Variants in CLCN2 observed in about 807,000 individuals in gnomAD.
CLCN2 encodes chloride voltage-gated channel 2.
In CLCN2, 72 loss-of-function variants were observed where a neutral mutation model predicts 108.3. The ratio of observed to expected loss-of-function variants is 0.66; its 90% CI spans 0.55 to 0.81. The LOEUF is 0.81. Among genes scored for constraint, CLCN2 ranks in the 30% least tolerant of loss-of-function variants. CLCN2 has a pLI of 0.00. For missense variants in CLCN2, 1,048 were observed against 1,205.2 expected (o/e 0.87, Z 1.93); for synonymous variants, 471 against 467.1 (o/e 1.01, Z -0.11).
At chr3:184,353,199 A>C (rs1294934740) in intron 17 of CLCN2, 51 bp downstream of exon 17, 2 of 1,609,990 alleles carry the variant, frequency 1.2e-6, no homozygotes, top group African/African-American at 2.8e-5. Flanking sequence ...CCACCCTCCC[A>C]ATCAGTCTAC....
rs1728459927 is a variant in CLCN2 at position 184,355,278 on chromosome 3, G to T, written c.1326+96C>A. 5.2e-6 allele frequency: 7 copies of T among 1,350,872 alleles called. No homozygotes were observed. The highest frequency in any genetic ancestry group is 5.1e-5 in the Admixed American group (3 of 59,356). The allele number at this position is 1,350,872 out of a possible 1,614,324, so 83.7% of individuals were successfully genotyped here. The stretch of plus-strand genomic sequence containing the variant: ...GGGTGATAATAGTGCCTTTCCCATG[G>T]CACTGTGGAGAGGCTTCGAGGAGTG... On this transcript the variant is annotated intron_variant, in intron 12 of 23. Transcript: ENST00000265593. This position sits in a 1 kb window ranked among gnomAD's most constrained non-coding sequence, Gnocchi z 6.3.
intron 2 of CLCN2, 33 bp downstream of exon 2, chr3:184,358,942 A>G (rs1310850072): frequency 6.2e-7 from 1 of 1,613,450 alleles, no homozygotes; most frequent in East Asian, 2.2e-5. Context: ...AGCACAGCAC[A>G]GCCAGGTCCC....
rs745848056 is a variant in CLCN2, at chr3:184,357,665, C to T, written c.727G>A (p.Ala243Thr). 5 of 1,613,984 alleles carry T rather than the reference C, an allele frequency of 3.1e-6. No individual in the cohort carries two copies. The highest frequency in any genetic ancestry group is 1.1e-5 in the South Asian group (1 of 91,088). Reference sequence around the variant, plus strand: ...CAGCAGCCCACCCCCACGGCACAGGCGGCAGCCAGCATCTCTGTGTTCCGG... The same window carrying T: ...CAGCAGCCCACCCCCACGGCACAGGTGGCAGCCAGCATCTCTGTGTTCCGG... ...ESRNTEMLAAACAVGVGCCFA... is the reference protein window; with the variant it reads ...ESRNTEMLAATCAVGVGCCFA... Residue 243 changes from alanine (A) to threonine (T), a missense_variant, in exon 7 of 24, where the codon GCC (alanine) becomes ACC (threonine). Transcript: ENST00000265593.
In CLCN2 at chr3:184,357,664, G is replaced by A; in HGVS notation, c.728C>T (p.Ala243Val). The change falls in exon 7 of 24, where the codon GCC becomes GTC. Residue 243 changes from alanine to valine, a missense_variant. Ala to Val is a moderately conservative substitution (Grantham distance 64). Coordinates refer to ENST00000265593, the MANE Select transcript of CLCN2 (RefSeq NM_004366.6). ...ESRNTEMLAAACAVGVGCCFA... is the reference protein window; with the variant it reads ...ESRNTEMLAAVCAVGVGCCFA... Reference sequence around the variant, plus strand: ...GCAGCAGCCCACCCCCACGGCACAGGCGGCAGCCAGCATCTCTGTGTTCCG... The same window carrying A: ...GCAGCAGCCCACCCCCACGGCACAGACGGCAGCCAGCATCTCTGTGTTCCG... The A allele has an allele frequency of 1.2e-6, 2 of 1,613,978 alleles. No homozygotes were observed. Among genetic ancestry groups the A allele is most frequent in the Non-Finnish European group, 1.7e-6 (2 of 1,180,034 alleles).
Position 184,346,772 on chromosome 3 carries a change from G to C in CLCN2, c.2531C>G (p.Thr844Arg), listed in dbSNP as rs1217623055. Reference sequence around the variant, plus strand: ...CGGCCGGACTTTCACACCCTGTGCTGTGACAGAGCCCTCGATGGCCTTCCG... The same window carrying C: ...CGGCCGGACTTTCACACCCTGTGCTCTGACAGAGCCCTCGATGGCCTTCCG... ...ELRKAIEGSV[T>R]AQGVKVRPPL... Residue 844 changes from threonine (T) to arginine (R), a missense_variant, in exon 24 of 24, where the codon ACA (threonine) becomes AGA (arginine). Transcript: ENST00000265593. This position sits in a 1 kb window ranked among gnomAD's most constrained non-coding sequence, Gnocchi z 6.0. The C allele has an allele frequency of 6.2e-7, 1 of 1,614,132 alleles. No individual in the cohort carries two copies. Among genetic ancestry groups the C allele is most frequent in the Non-Finnish European group, 8.5e-7 (1 of 1,180,034 alleles).
chr3:184,360,021 G>C (rs1164911665), intron 1 of CLCN2, among the ~76,000 whole-genome samples: 2 of 151,804 alleles, frequency 1.3e-5, no homozygotes, highest in Non-Finnish European at 2.9e-5. Context: ...TAGAGACAGA[G>C]AGAGGGTGAG....
At chr3:184,348,089 T>G (rs1448842770) in intron 22 of CLCN2, 1 of 152,240 alleles carries the variant, frequency 6.6e-6, no homozygotes, top group East Asian at 1.9e-4. Flanking sequence ...TTAAATTGCC[T>G]TAACACTTTT....
rs549981731 is a variant in CLCN2, at chr3:184,347,743, C to T, written c.2416-722G>A. 52 of 155,338 alleles carry T rather than the reference C, an allele frequency of 3.3e-4. 2 individuals carry two copies. The South Asian group carries it at 9.9e-3, about 30-fold the overall frequency. The allele number at this position is 155,338 out of a possible 1,614,324, so 9.6% of individuals were successfully genotyped here. A position where few individuals can be genotyped will look rare whatever the true frequency, so the allele number is the denominator to read the frequency against. The stretch of plus-strand genomic sequence containing the variant: ...CAGTCTGCCTTTTCTAGGGTCCAAG[C>T]AGCATCCCAAGTTCTGTTGAGATGC... On this transcript the variant is annotated intron_variant, in intron 22 of 23. Transcript: ENST00000265593.
Position 184,357,680 on chromosome 3 carries a change from C to G in CLCN2, c.712G>C (p.Glu238Gln). ...GIYENESRNT[E>Q]MLAAACAVGV... ...ACGGCACAGGCGGCAGCCAGCATCT[C>G]TGTGTTCCGGGATTCATTCTGGCGA... The change falls in exon 7 of 24, where the codon GAG (glutamate) becomes CAG (glutamine). Residue 238 changes from glutamate (E) to glutamine (Q), a missense_variant. Glu to Gln is a conservative substitution (Grantham distance 29, BLOSUM62 2). Coordinates refer to ENST00000265593, the MANE Select transcript of CLCN2 (RefSeq NM_004366.6). 6.2e-7 allele frequency: 1 copy of G among 1,614,112 alleles called. No homozygotes were observed.
chr3:184,351,372 C>T lies in CLCN2; in HGVS notation c.2415+641G>A, dbSNP rs534807952. ...CCTGGACGCAGAGAGCTCCTGGCCT[C>T]CTCTGGGGTCTGCCTCGCCCACCCC... On this transcript the variant is annotated intron_variant, in intron 22 of 23. Coordinates refer to ENST00000265593, the MANE Select transcript of CLCN2 (RefSeq NM_004366.6). Among the ~76,000 whole-genome samples, 6 of 152,332 alleles carry T rather than the reference C, an allele frequency of 3.9e-5. 1 individual carries two copies. Among genetic ancestry groups the T allele is most frequent in the Middle Eastern group, 6.8e-3 (2 of 294 alleles).
In CLCN2 at chr3:184,358,179, T is replaced by G; in HGVS notation, c.481+3A>C. The G allele has an allele frequency of 6.2e-7, 1 of 1,614,114 alleles. No individual in the cohort carries two copies. Among genetic ancestry groups the G allele is most frequent in the Non-Finnish European group, 8.5e-7 (1 of 1,180,022 alleles). ...TCTGCCCTCCCCTTCTCTTCTAACATACCGACAGCCTGAGGGGCCAGGATC... is the reference window on the plus strand; with the variant it reads ...TCTGCCCTCCCCTTCTCTTCTAACAGACCGACAGCCTGAGGGGCCAGGATC... On this transcript the variant is annotated splice_donor_region_variant and intron_variant, in intron 4 of 23. Coordinates refer to ENST00000265593, the MANE Select transcript of CLCN2 (RefSeq NM_004366.6).
At chr3:184,358,362 T>C (rs1343703406) in intron 3 of CLCN2, 52 bp from the exon 4 acceptor site, 2 of 1,611,726 alleles carry the variant, frequency 1.2e-6, no homozygotes, top group Non-Finnish European at 1.7e-6. Context: ...ACTGCCTGCC[T>C]GGCCAGTGGA....
intron 15 of CLCN2, 73 bp from the exon 16 acceptor site, chr3:184,353,868 C>A: frequency 6.4e-7 from 1 of 1,568,290 alleles, no homozygotes; most frequent in Admixed American, 1.9e-5. Flanking sequence ...CATCCCAGGG[C>A]CACAAGGAGG....
intron 19 of CLCN2, 90 bp downstream of exon 19, chr3:184,352,647 G>A: frequency 1.3e-6 from 2 of 1,484,234 alleles, no homozygotes; most frequent in South Asian, 2.3e-5. Context: ...GAGAATAGAG[G>A]CAGGCACTGC....
Position 184,352,754 on chromosome 3 carries a change from G to C in CLCN2, c.2200C>G (p.Pro734Ala), listed in dbSNP as rs558074883. Residue 734 changes from proline (P) to alanine (A), a missense_variant, in exon 19 of 24, where the codon CCT (proline) becomes GCT (alanine). Transcript: ENST00000265593. The stretch of plus-strand genomic sequence containing the variant: ...CCACTCACCTCCGAAGCAGCCTCAG[G>C]GGGTGGACTGCCACAGAAGAGGCTC... ...LRSLFCGSPP[P>A]EAASEKLESC... The C allele has an allele frequency of 9.3e-6, 15 of 1,613,208 alleles. No homozygotes were observed. The highest frequency in any genetic ancestry group is 8.9e-5 in the East Asian group (4 of 44,874).
intron 22 of CLCN2, chr3:184,347,701 A>ATT (rs1185158704): frequency 6.1e-6 from 1 of 162,876 alleles, no homozygotes; most frequent in Non-Finnish European, 1.4e-5. Context: ...GGCCTGAAGC[A>ATT]CGCTATGCCT....
chr3:184,354,904 C>T lies in CLCN2; in HGVS notation c.1396G>A (p.Gly466Arg). The T allele has an allele frequency of 6.2e-7, 1 of 1,613,756 alleles. No individual in the cohort carries two copies. Among genetic ancestry groups the T allele is most frequent in the Non-Finnish European group, 8.5e-7 (1 of 1,179,894 alleles). Reference protein sequence around the residue: ...CGAFMPVFVIGAAFGRLVGES... With the variant: ...CGAFMPVFVIRAAFGRLVGES... ...GGTGAGCAGGCAGCTGAGAACTCACCAATGACAAAGACAGGCATGAAGGCC... is the reference window on the plus strand; with the variant it reads ...GGTGAGCAGGCAGCTGAGAACTCACTAATGACAAAGACAGGCATGAAGGCC... The change falls in exon 13 of 24, where the codon GGA becomes AGA. Residue 466 changes from glycine (G) to arginine (R), a missense_variant and splice_region_variant. Physicochemically the swap from Gly to Arg is moderately radical, Grantham distance 125. Coordinates refer to ENST00000265593, the MANE Select transcript of CLCN2 (RefSeq NM_004366.6).
At chr3:184,352,856 G>A in intron 18 of CLCN2, 46 bp from the exon 19 acceptor site, 1 of 1,605,128 alleles carries the variant, frequency 6.2e-7, no homozygotes, top group Non-Finnish European at 8.5e-7. Context: ...TCATCTTTTG[G>A]GGAGAGGACC....
Position 184,352,424 on chromosome 3 carries a change from G to C in CLCN2, c.2271+19C>G. 6 of 1,613,208 alleles carry C rather than the reference G, an allele frequency of 3.7e-6. No individual in the cohort carries two copies. The highest frequency in any genetic ancestry group is 5.1e-6 in the Non-Finnish European group (6 of 1,179,802). ...CCTGCCCGGTGCCGCCGAGATGCTA[G>C]AAGAGCAGGCATACTTACTGCCAGG... On this transcript the variant is annotated intron_variant, in intron 20 of 23. Coordinates refer to ENST00000265593, the MANE Select transcript of CLCN2 (RefSeq NM_004366.6).
Sources: allele counts gnomAD v4.1 joint callset (sites outside exome capture counted in the v4.1 genomes callset), GRCh38; gene constraint gnomAD v4.1.1; non-coding constraint Gnocchi (gnomAD v3.1); transcripts MANE v1.5; gene names NCBI Gene and HGNC (gene_info 2026-07-23, HGNC 2026-07-21).